Variants in ETFA observed in about 807,000 individuals in gnomAD.
ETFA encodes electron transfer flavoprotein subunit alpha, also known as electron transfer flavoprotein subunit alpha, mitochondrial.
Under a neutral mutation model 46.2 loss-of-function variants are expected in ETFA, and 22 were observed. The observed-to-expected ratio is 0.48, with a 90% CI of 0.34 to 0.68. The LOEUF (loss-of-function observed/expected upper bound fraction) is 0.68, where lower values mean the gene tolerates loss of function less well. Ranked by LOEUF, ETFA falls within the 30% of genes least tolerant of loss-of-function variation. The pLI, the probability that ETFA is intolerant of heterozygous loss-of-function variation, is 0.01. For missense variants in ETFA, 345 were observed against 401.1 expected (o/e 0.86, Z 1.19); for synonymous variants, 131 against 139.9 (o/e 0.94, Z 0.45).
intron 10 of ETFA, chr15:76,227,621 A>C: frequency 2.8e-6 from 1 of 353,090 alleles, no homozygotes; most frequent in South Asian, 2.2e-5. Flanking sequence ...TTCTAACACC[A>C]CTGCAGTTAG....
intron 1 of ETFA, among the ~76,000 whole-genome samples, chr15:76,309,596 T>C (rs1320851506): frequency 2.6e-5 from 4 of 152,262 alleles, no homozygotes; most frequent in African/African-American, 7.2e-5. Flanking sequence ...ACGATGTGGA[T>C]AGTAAAAATT....
At chr15:76,228,387 T>C (rs1215288583) in intron 10 of ETFA, 1 of 199,928 alleles carries the variant, frequency 5.0e-6, no homozygotes, top group Non-Finnish European at 1.0e-5. Flanking sequence ...GTTCTCACTG[T>C]GTTGCCCAGG....
intron 8 of ETFA, among the ~76,000 whole-genome samples, chr15:76,282,318 G>A (rs1021080665): frequency 3.3e-5 from 5 of 152,182 alleles, no homozygotes; most frequent in African/African-American, 7.2e-5. Context: ...GGATATCAGA[G>A]TAGCCACCAG....
chr15:76,309,274 C>T (rs1252412084), intron 1 of ETFA, among the ~76,000 whole-genome samples: 1 of 151,962 alleles, frequency 6.6e-6, no homozygotes, highest in Non-Finnish European at 1.5e-5. Flanking sequence ...ACAGTGAAAC[C>T]CCCGTCTCTA....
rs994758214 is a variant in ETFA at position 76,241,997 on chromosome 15, C to A, written c.817-10599G>T. 2.6e-5 allele frequency among the ~76,000 whole-genome samples: 4 copies of A among 151,642 alleles called. No homozygotes were observed. The East Asian group carries it at 7.9e-4, about 30-fold the overall frequency. On this transcript the variant is annotated intron_variant, in intron 9 of 11. Coordinates refer to ENST00000557943, the MANE Select transcript of ETFA (RefSeq NM_000126.4). ...GACTACAGGTGTGCGCCACCACGCCCGGCTAATTTTTGTATTTTTAGTAGA... is the reference window on the plus strand; with the variant it reads ...GACTACAGGTGTGCGCCACCACGCCAGGCTAATTTTTGTATTTTTAGTAGA...
At chr15:76,278,811 GC>G (rs2039621415) in intron 8 of ETFA, among the ~76,000 whole-genome samples, 1 of 152,136 alleles carries the variant, frequency 6.6e-6, no homozygotes, top group South Asian at 2.1e-4. Flanking sequence ...CCCACCACCT[GC>G]AGCTATGTCC....
intron 9 of ETFA, among the ~76,000 whole-genome samples, chr15:76,256,752 T>G (rs1364766860): frequency 1.3e-5 from 2 of 152,248 alleles, no homozygotes; most frequent in Non-Finnish European, 2.9e-5. Flanking sequence ...AAAATTATAA[T>G]GAATCTGAAA....
chr15:76,253,859 G>A (rs1486076087), intron 9 of ETFA, among the ~76,000 whole-genome samples: 2 of 152,224 alleles, frequency 1.3e-5, no homozygotes, highest in Non-Finnish European at 2.9e-5. Context: ...GAGCACAAGT[G>A]AAGTAATGCA....
In ETFA at chr15:76,285,639, C is replaced by T; in HGVS notation, c.662G>A (p.Gly221Asp). ...TTTAAGATTAATATTTCACTTACCA[C>T]CAGATACCACCACTTTGGCACCTGT... ...ELTGAKVVVS[G>D]GRGLKSGENF... The change falls in exon 7 of 12, where the codon GGT becomes GAT. Residue 221 changes from glycine to aspartate, a missense_variant and splice_region_variant. Coordinates refer to ENST00000557943, the MANE Select transcript of ETFA (RefSeq NM_000126.4). The T allele has an allele frequency of 1.3e-6, 2 of 1,548,986 alleles. No individual in the cohort carries two copies. Among genetic ancestry groups the T allele is most frequent in the Non-Finnish European group, 8.9e-7 (1 of 1,120,938 alleles).
intron 5 of ETFA, among the ~76,000 whole-genome samples, chr15:76,287,182 G>T (rs1486681527): frequency 2.0e-5 from 3 of 152,120 alleles, no homozygotes; most frequent in Non-Finnish European, 2.9e-5. Context: ...TCTTTTTCTT[G>T]AGACAGGGTC....
At chr15:76,255,486 G>A (rs2039338259) in intron 9 of ETFA, among the ~76,000 whole-genome samples, 1 of 152,188 alleles carries the variant, frequency 6.6e-6, no homozygotes, top group Admixed American at 6.6e-5. Flanking sequence ...TTCCTGCTTT[G>A]AAAAATCAGG....
At chr15:76,261,143 C>G in intron 9 of ETFA, 1 of 1,531,446 alleles carries the variant, frequency 6.5e-7, no homozygotes, top group Non-Finnish European at 9.0e-7. Flanking sequence ...ACATTTAAAA[C>G]AAATGGAGAG....
intron 9 of ETFA, among the ~76,000 whole-genome samples, chr15:76,272,813 C>CATATACATAT (rs1555457983): frequency 7.3e-6 from 1 of 137,558 alleles, no homozygotes; most frequent in Non-Finnish European, 1.5e-5. Context: ...AAAATATATA[C>CATATACATAT]ATATATATAT....
chr15:76,255,279 A>T (rs1229735886), intron 9 of ETFA, among the ~76,000 whole-genome samples: 3 of 152,252 alleles, frequency 2.0e-5, no homozygotes, highest in African/African-American at 7.2e-5. Flanking sequence ...ACTATTTTCA[A>T]AACAAACATT....
At chr15:76,237,109 G>C (rs574152291) in intron 9 of ETFA, among the ~76,000 whole-genome samples, 16 of 152,320 alleles carry the variant, frequency 1.1e-4, no homozygotes, top group Admixed American at 9.2e-4. Context: ...CTGGAGTGCA[G>C]TGGCACGATC....
chr15:76,217,833 A>G (rs2038913162), intron 11 of ETFA, among the ~76,000 whole-genome samples: 2 of 152,266 alleles, frequency 1.3e-5, no homozygotes, highest in Admixed American at 6.5e-5. Flanking sequence ...ATTATTTAAG[A>G]GAGCTACATT....
intron 2 of ETFA, among the ~76,000 whole-genome samples, chr15:76,295,314 G>A (rs1270291411): frequency 1.3e-5 from 2 of 152,106 alleles, no homozygotes; most frequent in African/African-American, 4.8e-5. Flanking sequence ...AACCTCTAAG[G>A]GGACTCAAAT....
At chr15:76,299,814 T>C (rs2039863192) in intron 1 of ETFA, among the ~76,000 whole-genome samples, 1 of 152,194 alleles carries the variant, frequency 6.6e-6, no homozygotes, top group Admixed American at 6.5e-5. Context: ...GGGATCTAGA[T>C]TCCATTCTCT....
At chr15:76,284,951 A>G (rs529834521) in intron 7 of ETFA, 1 of 400,466 alleles carries the variant, frequency 2.5e-6, no homozygotes, top group East Asian at 1.1e-4. Context: ...AAAGAAAACG[A>G]AAAACAAGTC....
Sources: gnomAD v4.1 joint callset for allele counts (sites outside exome capture counted in the v4.1 genomes callset) on GRCh38, gnomAD v4.1.1 for gene constraint, MANE v1.5 for transcripts, NCBI Gene and HGNC (gene_info 2026-07-23, HGNC 2026-07-21) for gene names.